The following HLCS variants were observed in gnomAD, a reference collection of about 807,000 sequenced individuals.
HLCS encodes the protein holocarboxylase synthetase, also known as biotin--protein ligase.
Under a neutral mutation model 75.0 loss-of-function variants are expected in HLCS, and 53 were observed. That is an observed-to-expected ratio of 0.71 (90% CI 0.57 to 0.89). The LOEUF (loss-of-function observed/expected upper bound fraction) is 0.89, where lower values mean the gene tolerates loss of function less well. HLCS is among the 40% of genes least tolerant of loss of function. HLCS has a pLI of 0.00. For missense variants in HLCS, 966 were observed against 1,074.0 expected, an observed-to-expected ratio of 0.90 and a Z score of 1.41; for synonymous variants, 431 against 428.6, an observed-to-expected ratio of 1.01 and a Z score of -0.07.
intron 8 of HLCS, among the ~76,000 whole-genome samples, chr21:36,760,187 C>T (rs372867627): frequency 6.6e-6 from 1 of 152,244 alleles, no homozygotes; most frequent in South Asian, 2.1e-4. Context: ...AGCTAACTAA[C>T]GTGCTAGGGC....
chr21:36,847,900 C>A, intron 6 of HLCS, among the ~76,000 whole-genome samples: 1 of 152,058 alleles, frequency 6.6e-6, no homozygotes, highest in Non-Finnish European at 1.5e-5. Context: ...ATGCAGAAAC[C>A]TTTTGTTTAT....
chr21:36,899,000 G>A (rs2065128526), intron 5 of HLCS, among the ~76,000 whole-genome samples: 1 of 152,232 alleles, frequency 6.6e-6, no homozygotes, highest in African/African-American at 2.4e-5. Context: ...AGCAGAGGCT[G>A]CAGTGAGCCA....
At chr21:36,881,164 T>C (rs2070025952) in intron 6 of HLCS, among the ~76,000 whole-genome samples, 2 of 152,124 alleles carry the variant, frequency 1.3e-5, no homozygotes, top group South Asian at 4.1e-4. Flanking sequence ...GAGATGGGGT[T>C]TCACCATGTT....
At chr21:36,768,482 T>C (rs1014399713) in intron 6 of HLCS, among the ~76,000 whole-genome samples, 1 of 152,226 alleles carries the variant, frequency 6.6e-6, no homozygotes, top group African/African-American at 2.4e-5. Context: ...AACAACACTG[T>C]GTCCACTGTG....
intron 7 of HLCS, among the ~76,000 whole-genome samples, chr21:36,765,724 T>C (rs2090008129): frequency 6.6e-6 from 1 of 152,194 alleles, no homozygotes; most frequent in Admixed American, 6.5e-5. Flanking sequence ...CTCAGCTCAC[T>C]GCAACCTCTG....
chr21:36,770,709 C>A (rs2060178344), intron 6 of HLCS, among the ~76,000 whole-genome samples: 1 of 151,614 alleles, frequency 6.6e-6, no homozygotes, highest in East Asian at 1.9e-4. Flanking sequence ...TAGCTGGGAC[C>A]ACTATGGGTT....
At chr21:36,868,043 T>C (rs2063619376) in intron 6 of HLCS, among the ~76,000 whole-genome samples, 1 of 151,844 alleles carries the variant, frequency 6.6e-6, no homozygotes. Context: ...TCCCAGCTAC[T>C]TGGAGGCTGA....
At chr21:36,891,840 T>C (rs2146314438) in intron 6 of HLCS, among the ~76,000 whole-genome samples, 1 of 152,298 alleles carries the variant, frequency 6.6e-6, no homozygotes. Flanking sequence ...GGGCTGTCCC[T>C]GCAGCCCCAG....
intron 6 of HLCS, among the ~76,000 whole-genome samples, chr21:36,775,269 A>G (rs946319774): frequency 7.2e-5 from 11 of 152,362 alleles, no homozygotes; most frequent in Middle Eastern, 3.4e-3. Context: ...ATGGCTCCCA[A>G]GGAGCCCAGT....
At chr21:36,790,514 G>A (rs1405235458) in intron 6 of HLCS, among the ~76,000 whole-genome samples, 2 of 152,186 alleles carry the variant, frequency 1.3e-5, no homozygotes, top group Admixed American at 6.5e-5. Context: ...ATTAGGAAGT[G>A]GGACCTATGG....
chr21:36,982,569 A>C (rs989781016), intron 1 of HLCS, among the ~76,000 whole-genome samples: 11 of 152,232 alleles, frequency 7.2e-5, no homozygotes, highest in African/African-American at 2.7e-4. Flanking sequence ...GAGAATTATG[A>C]GGTCCTCAAA....
At chr21:36,909,439 C>T (rs1390142824) in intron 5 of HLCS, among the ~76,000 whole-genome samples, 1 of 152,144 alleles carries the variant, frequency 6.6e-6, no homozygotes, top group Non-Finnish European at 1.5e-5. Context: ...CCAAATAACA[C>T]CAATATCTCC....
intron 6 of HLCS, among the ~76,000 whole-genome samples, chr21:36,883,521 A>C (rs2146280973): frequency 6.6e-6 from 1 of 152,366 alleles, no homozygotes; most frequent in African/African-American, 2.4e-5. Context: ...TATCTAAAAA[A>C]GTTTCTACTT....
intron 5 of HLCS, among the ~76,000 whole-genome samples, chr21:36,909,122 C>G (rs940589272): frequency 6.6e-6 from 1 of 151,948 alleles, no homozygotes; most frequent in Non-Finnish European, 1.5e-5. Flanking sequence ...GCATGAACCT[C>G]GGAAGCGGAG....
At chr21:36,767,190 A>T (rs759697100) in intron 7 of HLCS, 28 bp downstream of exon 7, 1 of 1,609,848 alleles carries the variant, frequency 6.2e-7, no homozygotes. Context: ...AACAGAAGTA[A>T]CAGCAATGAT....
At chr21:36,937,414 G>C (rs1389965515) in intron 3 of HLCS, 22 bp from the exon 4 acceptor site, 2 of 1,590,324 alleles carry the variant, frequency 1.3e-6, no homozygotes, top group Admixed American at 1.7e-5. Context: ...ATAGGAGAGA[G>C]AGACAGAAAA....
chr21:36,760,385 C>T (rs911471528), intron 8 of HLCS, among the ~76,000 whole-genome samples: 14 of 152,052 alleles, frequency 9.2e-5, no homozygotes, highest in Non-Finnish European at 1.5e-4. Context: ...CTGAGGCGGG[C>T]GGATCACAAG....
rs117592072 is a variant in HLCS at position 36,759,209 on chromosome 21, T to C, written c.2236+518A>G. Reference sequence around the variant, plus strand: ...ACTGGACGGCCAGGAACCTAAGGACTTCTGAGATTGCCTCTGAATCCATCT... The same window carrying C: ...ACTGGACGGCCAGGAACCTAAGGACCTCTGAGATTGCCTCTGAATCCATCT... On this transcript the variant is annotated intron_variant, in intron 9 of 10. Coordinates refer to ENST00000674895, the MANE Select transcript of HLCS (RefSeq NM_001352514.2). 56 of 471,048 alleles carry C rather than the reference T, an allele frequency of 1.2e-4. 1 individual carries two copies. The East Asian group carries it at 3.9e-3, about 33-fold the overall frequency. The allele number at this position is 471,048 out of a possible 1,614,324, so 29.2% of individuals were successfully genotyped here. A position where few individuals can be genotyped will look rare whatever the true frequency, so the allele number is the denominator to read the frequency against.
At chr21:36,782,485 G>C (rs1383597273) in intron 6 of HLCS, among the ~76,000 whole-genome samples, 1 of 152,146 alleles carries the variant, frequency 6.6e-6, no homozygotes, top group Non-Finnish European at 1.5e-5. Context: ...TAATACTCCA[G>C]ACAAACAGGC....
Sources: gnomAD v4.1 joint callset for allele counts (sites outside exome capture counted in the v4.1 genomes callset) on GRCh38, gnomAD v4.1.1 for gene constraint, MANE v1.5 for transcripts, NCBI Gene and HGNC (gene_info 2026-07-23, HGNC 2026-07-21) for gene names.